The following ELAVL1 variants were observed in gnomAD, a reference collection of about 807,000 sequenced individuals.
The protein encoded by ELAVL1 is ELAV-like protein 1.
Under a neutral mutation model 28.4 loss-of-function variants are expected in ELAVL1, and 1 was observed. That is an observed-to-expected ratio of 0.04 (90% CI 0.01 to 0.17). The LOEUF is 0.17. Among genes scored for constraint, ELAVL1 ranks in the 10% least tolerant of loss-of-function variants. The probability of loss-of-function intolerance (pLI) is 1.00; values close to 1 mark genes in which losing one functional copy is unlikely to be tolerated. For synonymous variants in ELAVL1, 174 were observed against 183.5 expected (o/e 0.95, Z 0.42); for missense variants, 157 against 447.2 (o/e 0.35, Z 5.85).
At chr19:7,997,678 T>A (rs2055356638) in intron 1 of ELAVL1, among the ~76,000 whole-genome samples, 2 of 152,026 alleles carry the variant, frequency 1.3e-5, no homozygotes, top group Non-Finnish European at 2.9e-5. Flanking sequence ...TGGCGACTCA[T>A]GCCTTTAATC....
chr19:7,970,312 T>C lies in ELAVL1; in HGVS notation c.431-2522A>G, dbSNP rs571849712. 7.2e-5 allele frequency among the ~76,000 whole-genome samples: 11 copies of C among 152,358 alleles called. No individual in the cohort carries two copies. In the East Asian group the frequency reaches 2.1e-3, roughly 29 times the overall value. On this transcript the variant is annotated intron_variant, in intron 4 of 5. Coordinates refer to ENST00000407627, the MANE Select transcript of ELAVL1 (RefSeq NM_001419.3). ...CTGGGATTACAGGTGCCTGCCACCA[T>C]GCCTGGCTAAGTTTTTGTATTTTTA... is the stretch of plus-strand genomic sequence containing the variant.
At chr19:8,000,152 C>T (rs896917582) in intron 1 of ELAVL1, among the ~76,000 whole-genome samples, 5 of 152,138 alleles carry the variant, frequency 3.3e-5, no homozygotes, top group African/African-American at 1.2e-4. Flanking sequence ...TAACTCCTGA[C>T]GTCAAGTGAT....
At chr19:7,978,324 A>G (rs1176773493) in intron 3 of ELAVL1, among the ~76,000 whole-genome samples, 1 of 152,162 alleles carries the variant, frequency 6.6e-6, no homozygotes, top group Non-Finnish European at 1.5e-5. Flanking sequence ...AAGACCAAGC[A>G]TGTGACTAGA....
intron 1 of ELAVL1, among the ~76,000 whole-genome samples, chr19:8,003,234 A>C (rs1389722846): frequency 1.3e-5 from 2 of 151,518 alleles, no homozygotes; most frequent in Admixed American, 1.3e-4. Context: ...CTAAAAATGC[A>C]AAAAATTAGC....
In ELAVL1 at chr19:7,963,696, G is replaced by A. The variant is rs145371492; in HGVS notation, c.768C>T (p.Asp256=). 184 of 1,614,246 alleles carry A rather than the reference G, an allele frequency of 1.1e-4. No homozygotes were observed. The East Asian group carries it at 3.8e-3, about 33-fold the overall frequency. ...IFIYNLGQDA[D]EGILWQMFGP... ...CAAACATCTGCCAGAGGATCCCCTC[G>A]TCGGCATCCTGCCCCAGGTTGTAGA... Residue 256 remains aspartate, a synonymous_variant, in exon 6 of 6, where the codon GAC becomes GAT. Transcript: ENST00000407627. This position sits in a 1 kb window ranked among gnomAD's most constrained non-coding sequence, Gnocchi z 4.5.
intron 2 of ELAVL1, among the ~76,000 whole-genome samples, chr19:7,987,698 A>C (rs934836056): frequency 2.6e-5 from 4 of 152,192 alleles, no homozygotes; most frequent in African/African-American, 4.8e-5. Context: ...TCATTCATTC[A>C]TTCCTTCCTT....
At chr19:7,965,449 C>T (rs897892160) in intron 5 of ELAVL1, among the ~76,000 whole-genome samples, 7 of 152,146 alleles carry the variant, frequency 4.6e-5, no homozygotes, top group African/African-American at 1.7e-4. Context: ...AAATCTTCTC[C>T]TCTCTTCCTC....
intron 2 of ELAVL1, among the ~76,000 whole-genome samples, chr19:7,987,161 C>T (rs1260344091): frequency 6.6e-6 from 1 of 151,418 alleles, no homozygotes; most frequent in African/African-American, 2.4e-5. Context: ...GGGCAGGCGC[C>T]CAGGGGTGTC....
chr19:7,993,632 G>A lies in ELAVL1; in HGVS notation c.-16-1801C>T, dbSNP rs550748935. Among the ~76,000 whole-genome samples, 120 of 152,132 alleles carry A rather than the reference G, an allele frequency of 7.9e-4. 4 individuals are homozygous for A. In the South Asian group the frequency reaches 0.022, roughly 28 times the overall value. ...GAGCCCGCCCTGCTGAAAGTGCGCC[G>A]CACACTGGGCTCACTTCTCAGAGGC... is the stretch of plus-strand genomic sequence containing the variant. On this transcript the variant is annotated intron_variant, in intron 1 of 5. Coordinates refer to ENST00000407627, the MANE Select transcript of ELAVL1 (RefSeq NM_001419.3).
At chr19:7,967,533 G>T in intron 5 of ELAVL1, 32 bp downstream of exon 5, 1 of 1,605,264 alleles carries the variant, frequency 6.2e-7, no homozygotes, top group Non-Finnish European at 8.5e-7. Flanking sequence ...GGCTAAGTAT[G>T]GCTTTCAGGA....
intron 4 of ELAVL1, among the ~76,000 whole-genome samples, chr19:7,971,914 C>G (rs985286297): frequency 2.6e-5 from 4 of 152,224 alleles, no homozygotes; most frequent in Non-Finnish European, 5.9e-5. Flanking sequence ...AATGTGCATG[C>G]CCCTCTAGCC....
At chr19:7,971,859 A>C (rs958521293) in intron 4 of ELAVL1, among the ~76,000 whole-genome samples, 22 of 152,186 alleles carry the variant, frequency 1.4e-4, no homozygotes, top group Admixed American at 7.9e-4. Flanking sequence ...AGAGAGACTG[A>C]TAAGGCCGCC....
intron 1 of ELAVL1, among the ~76,000 whole-genome samples, chr19:7,993,009 T>C (rs1194680644): frequency 1.3e-5 from 2 of 152,174 alleles, no homozygotes; most frequent in African/African-American, 4.8e-5. Context: ...CCTCAAGTAA[T>C]CCTTCCATCT....
rs1235126968 is a variant in ELAVL1, at chr19:7,963,881, T to C, written c.657-74A>G. 2 of 1,496,008 alleles carry C rather than the reference T, an allele frequency of 1.3e-6. No homozygotes were observed. Among genetic ancestry groups the C allele is most frequent in the Non-Finnish European group, 1.8e-6 (2 of 1,110,906 alleles). 92.7% of individuals were successfully genotyped at this position (1,496,008 alleles called of 1,614,324 possible). On this transcript the variant is annotated intron_variant, in intron 5 of 5. Transcript: ENST00000407627. This position sits in a 1 kb window ranked among gnomAD's most constrained non-coding sequence, Gnocchi z 4.5. ...GGGGATGGGGCAAGGCCTGGACGCA[T>C]GCTGACCATGGCCGCTGGGCCCCAT...
intron 1 of ELAVL1, among the ~76,000 whole-genome samples, chr19:8,005,126 C>A (rs772149621): frequency 1.2e-4 from 19 of 152,126 alleles, no homozygotes; most frequent in Non-Finnish European, 2.6e-4. Context: ...GTGACCTCTG[C>A]GCGCTCAAAG....
chr19:7,960,043 G>A lies in ELAVL1; in HGVS notation c.*3440C>T, dbSNP rs1421413126. On this transcript the variant is annotated 3_prime_UTR_variant, in exon 6 of 6. Coordinates refer to ENST00000407627, the MANE Select transcript of ELAVL1 (RefSeq NM_001419.3). ...GTAACAGCTGAGTGATGTCAATTTC[G>A]ATTTTTCAAGTCCGATGCCGGACTG... 2 of 152,322 alleles carry A rather than the reference G, an allele frequency of 1.3e-5. No homozygotes were observed. The highest frequency in any genetic ancestry group is 2.1e-4 in the South Asian group (1 of 4,830). The allele number at this position is 152,322 out of a possible 1,614,324, so 9.4% of individuals were successfully genotyped here.
At chr19:7,978,909 T>G (rs116905941) in intron 3 of ELAVL1, among the ~76,000 whole-genome samples, 1 of 152,250 alleles carries the variant, frequency 6.6e-6, no homozygotes, top group East Asian at 1.9e-4. Context: ...CCAGGATCAG[T>G]TGAACGCACA....
At chr19:7,978,380 G>GGGGGAGGGGAAAGGGGTGCT (rs1401541270) in intron 3 of ELAVL1, among the ~76,000 whole-genome samples, 15 of 152,246 alleles carry the variant, frequency 9.9e-5, no homozygotes, top group African/African-American at 2.9e-4. Context: ...CCTCCAGGGT[G>GGGGGAGGGGAAAGGGGTGCT]GGGGAGGGGA....
chr19:7,996,385 G>A (rs1219497478), intron 1 of ELAVL1, among the ~76,000 whole-genome samples: 1 of 151,802 alleles, frequency 6.6e-6, no homozygotes, highest in Admixed American at 6.6e-5. Flanking sequence ...GTTTCACCGT[G>A]TTAGCCAGGA....
Sources: gnomAD v4.1 joint callset for allele counts (sites outside exome capture counted in the v4.1 genomes callset) on GRCh38, gnomAD v4.1.1 for gene constraint, Gnocchi (gnomAD v3.1) non-coding constraint, MANE v1.5 for transcripts, NCBI Gene and HGNC (gene_info 2026-07-23, HGNC 2026-07-21) for gene names.